Variants in GLCCI1 observed in about 807,000 individuals in gnomAD.
The protein encoded by GLCCI1 is glucocorticoid induced 1, also known as glucocorticoid-induced transcript 1 protein.
GLCCI1 carries 24 observed loss-of-function variants against 52.2 expected under a neutral mutation model. That is an observed-to-expected ratio of 0.46 (90% CI 0.33 to 0.65). GLCCI1 has a LOEUF of 0.65. Ranked by LOEUF, GLCCI1 falls within the 30% of genes least tolerant of loss-of-function variation. The probability of loss-of-function intolerance (pLI) is 0.02; values close to 1 mark genes in which losing one functional copy is unlikely to be tolerated. For synonymous variants in GLCCI1, 310 were observed against 276.5 expected (o/e 1.12, Z -1.20); for missense variants, 704 against 701.5 (o/e 1.00, Z -0.04).
chr7:8,074,767 A>G lies in GLCCI1; in HGVS notation c.1177+3636A>G, dbSNP rs570704452. The stretch of plus-strand genomic sequence containing the variant: ...TGGTGTTTTTTTATTAAAGACATAA[A>G]AGGAAGCTGTATAGCTTTCCTAGAG... On this transcript the variant is annotated intron_variant, in intron 6 of 7. Transcript: ENST00000223145. 7.9e-5 allele frequency among the ~76,000 whole-genome samples: 12 copies of G among 152,312 alleles called. No homozygotes were observed. The South Asian group carries it at 2.5e-3, about 32-fold the overall frequency.
At chr7:8,070,859 G>C in intron 5 of GLCCI1, 62 bp from the exon 6 acceptor site, 1 of 1,402,598 alleles carries the variant, frequency 7.1e-7, no homozygotes, top group Non-Finnish European at 1.0e-6. Flanking sequence ...AATACTATGT[G>C]CTTTCTATGT....
At chr7:8,031,748 A>T (rs1237650966) in intron 3 of GLCCI1, among the ~76,000 whole-genome samples, 1 of 151,966 alleles carries the variant, frequency 6.6e-6, no homozygotes, top group Non-Finnish European at 1.5e-5. Flanking sequence ...CTGAAAGCAA[A>T]AAGATGGGAA....
intron 1 of GLCCI1, among the ~76,000 whole-genome samples, chr7:7,992,109 C>CTGTT (rs773597059): frequency 2.7e-4 from 11 of 40,842 alleles, no homozygotes; most frequent in Non-Finnish European, 4.8e-4. Flanking sequence ...CTGTCTGTTT[C>CTGTT]TCTCTCTCTC....
rs779467963 is a variant in GLCCI1, at chr7:8,088,852, A to G, written c.*2314A>G. 6.6e-6 allele frequency: 1 copy of G among 152,668 alleles called. No homozygotes were observed. The highest frequency in any genetic ancestry group is 1.5e-5 in the Non-Finnish European group (1 of 68,044). 9.5% of individuals were successfully genotyped at this position (152,668 alleles called of 1,614,324 possible). ...TTACGCTTTGCCATGTAAATTTCCC[A>G]GAAGTTGTTGAGCTCAAATGTATCC... On this transcript the variant is annotated 3_prime_UTR_variant, in exon 8 of 8. Transcript: ENST00000223145.
intron 1 of GLCCI1, chr7:7,980,392 C>A (rs1199036964): frequency 9.3e-6 from 2 of 214,866 alleles, no homozygotes; most frequent in African/African-American, 4.6e-5. Flanking sequence ...CAACTGTGAA[C>A]TTTTTGAGAG....
At chr7:8,079,526 AGTT>A (rs1183792449) in intron 6 of GLCCI1, among the ~76,000 whole-genome samples, 2 of 151,496 alleles carry the variant, frequency 1.3e-5, no homozygotes, top group African/African-American at 4.9e-5. Context: ...ATTAAAAGTG[AGTT>A]GTTTTCATTT....
rs1295618719 is a variant in GLCCI1, at chr7:8,080,213, G to A, written c.1178-4684G>A. ...ATAGTTGATAATTTCATTTCCTGAA[G>A]CAAAATAAGTATATTTTAACACTAG... On this transcript the variant is annotated intron_variant, in intron 6 of 7. Coordinates refer to ENST00000223145, the MANE Select transcript of GLCCI1 (RefSeq NM_138426.4). 1.3e-5 allele frequency among the ~76,000 whole-genome samples: 2 copies of A among 151,372 alleles called. 1 individual carries two copies. The highest frequency in any genetic ancestry group is 4.9e-5 in the African/African-American group (2 of 40,732).
intron 1 of GLCCI1, among the ~76,000 whole-genome samples, chr7:7,979,741 A>C (rs1470684168): frequency 6.6e-6 from 1 of 152,214 alleles, no homozygotes; most frequent in African/African-American, 2.4e-5. Flanking sequence ...AATACTGTGT[A>C]GTAATCTTGG....
intron 6 of GLCCI1, among the ~76,000 whole-genome samples, chr7:8,076,475 G>A (rs1480071757): frequency 2.0e-5 from 3 of 152,086 alleles, no homozygotes; most frequent in Non-Finnish European, 4.4e-5. Context: ...TTTCAAGAAA[G>A]CATCTTAAGA....
At chr7:8,076,114 T>C (rs1782872300) in intron 6 of GLCCI1, among the ~76,000 whole-genome samples, 1 of 152,242 alleles carries the variant, frequency 6.6e-6, no homozygotes, top group African/African-American at 2.4e-5. Context: ...TCTAGGGCTC[T>C]ATTTCTTGAC....
At chr7:8,039,039 T>C (rs1781938207) in intron 3 of GLCCI1, among the ~76,000 whole-genome samples, 1 of 151,780 alleles carries the variant, frequency 6.6e-6, no homozygotes, top group African/African-American at 2.4e-5. Flanking sequence ...ATCAGAGAAA[T>C]GCAAAATAAA....
intron 1 of GLCCI1, chr7:7,981,960 C>A: frequency 4.7e-6 from 2 of 425,214 alleles, no homozygotes. Flanking sequence ...AGACTACATA[C>A]CAATCAAAAA....
intron 3 of GLCCI1, among the ~76,000 whole-genome samples, chr7:8,040,582 G>A (rs1282733459): frequency 6.7e-6 from 1 of 149,870 alleles, no homozygotes; most frequent in Non-Finnish European, 1.5e-5. Context: ...TTAAAAGACG[G>A]ATTAATTGCA....
chr7:8,080,344 T>C (rs1178227596), intron 6 of GLCCI1, among the ~76,000 whole-genome samples: 2 of 151,622 alleles, frequency 1.3e-5, no homozygotes, highest in Non-Finnish European at 2.9e-5. Flanking sequence ...TTGAACAGTG[T>C]ACTCACTTTC....
chr7:8,026,837 T>G (rs928321356), intron 3 of GLCCI1, among the ~76,000 whole-genome samples: 1 of 152,192 alleles, frequency 6.6e-6, no homozygotes, highest in South Asian at 2.1e-4. Flanking sequence ...CCCTGTTTGC[T>G]GAGGAGAAAG....
intron 1 of GLCCI1, among the ~76,000 whole-genome samples, chr7:7,987,412 G>A (rs1408213010): frequency 1.3e-5 from 2 of 152,106 alleles, no homozygotes; most frequent in Non-Finnish European, 2.9e-5. Context: ...ACATCGTACT[G>A]TCACTATTTA....
chr7:8,000,250 G>A (rs1218665805), intron 1 of GLCCI1, among the ~76,000 whole-genome samples: 1 of 152,168 alleles, frequency 6.6e-6, no homozygotes, highest in Non-Finnish European at 1.5e-5. Context: ...AATGGGAGAT[G>A]TTAATTTTCT....
chr7:8,059,959 C>G (rs1782477918), intron 4 of GLCCI1, 137 bp from the exon 5 acceptor site: 1 of 673,064 alleles, frequency 1.5e-6, no homozygotes, highest in African/African-American at 1.8e-5. Context: ...TCTATATGTG[C>G]ACCTGAATTT....
intron 5 of GLCCI1, among the ~76,000 whole-genome samples, chr7:8,066,535 CTCT>C (rs1439670700): frequency 1.3e-5 from 2 of 150,270 alleles, no homozygotes; most frequent in Admixed American, 6.7e-5. Context: ...GTAAATTTCC[CTCT>C]TAACACTGCT....
Sources: gnomAD v4.1 joint callset for allele counts (sites outside exome capture counted in the v4.1 genomes callset) on GRCh38, gnomAD v4.1.1 for gene constraint, MANE v1.5 for transcripts, NCBI Gene and HGNC (gene_info 2026-07-23, HGNC 2026-07-21) for gene names.